The following RBM20 variants were observed in gnomAD, a reference collection of about 807,000 sequenced individuals.
RBM20 encodes RNA-binding protein 20.
RBM20 carries 51 observed loss-of-function variants against 110.1 expected under a neutral mutation model. The ratio of observed to expected loss-of-function variants is 0.46; its 90% CI spans 0.37 to 0.59. RBM20 has a LOEUF of 0.59. Ranked by LOEUF, RBM20 falls within the 20% of genes least tolerant of loss-of-function variation. The probability of loss-of-function intolerance (pLI) is 0.00; values close to 1 mark genes in which losing one functional copy is unlikely to be tolerated. For missense variants in RBM20, 1,512 were observed against 1,574.9 expected, an observed-to-expected ratio of 0.96 and a Z score of 0.68; for synonymous variants, 589 against 618.2, an observed-to-expected ratio of 0.95 and a Z score of 0.70.
rs544407865 is a variant in RBM20, at chr10:110,812,825, A to G, written c.2428A>G (p.Lys810Glu). ...AGGCAAGGAAGATGGGCTGGGGCCA[A>G]AGGTCACTAGGGCCCCTGAGGGCGC... ...DSGKEDGLGP[K>E]VTRAPEGAKA... Residue 810 changes from lysine (K) to glutamate (E), a missense_variant, in exon 9 of 14, where the codon AAG becomes GAG. This residue lies in a region of RBM20 where 1,149 missense variants were observed against 1,169.4 expected (regional missense o/e 0.98). Coordinates refer to ENST00000369519, the MANE Select transcript of RBM20 (RefSeq NM_001134363.3). 2.6e-5 allele frequency: 40 copies of G among 1,546,876 alleles called. No homozygotes were observed. The highest frequency in any genetic ancestry group is 2.6e-4 in the Admixed American group (13 of 50,546).
chr10:110,680,194 G>C (rs1307622083), intron 1 of RBM20, among the ~76,000 whole-genome samples: 3 of 152,140 alleles, frequency 2.0e-5, no homozygotes, highest in Non-Finnish European at 4.4e-5. Context: ...GAATGTTCTT[G>C]GTGGGGGCGG....
rs1564834236 is a variant in RBM20, at chr10:110,749,663, G to T, written c.192-31138G>T. The stretch of plus-strand genomic sequence containing the variant: ...GATATGTCTAAAAAAGAATAAAAGG[G>T]TCAAGAAAGCAAATGAAAGAGCAGA... On this transcript the variant is annotated intron_variant, in intron 1 of 13. Transcript: ENST00000369519. Among the ~76,000 whole-genome samples the T allele has an allele frequency of 3.3e-5, 5 of 151,966 alleles. No individual in the cohort carries two copies. In the South Asian group the frequency reaches 1.0e-3, roughly 32 times the overall value.
intron 1 of RBM20, among the ~76,000 whole-genome samples, chr10:110,764,850 C>A (rs1844058342): frequency 6.6e-6 from 1 of 152,180 alleles, no homozygotes; most frequent in South Asian, 2.1e-4. Flanking sequence ...CATCATCCTA[C>A]CTTTCCCCAG....
chr10:110,690,348 G>A (rs1006179945), intron 1 of RBM20, among the ~76,000 whole-genome samples: 1 of 152,164 alleles, frequency 6.6e-6, no homozygotes, highest in African/African-American at 2.4e-5. Flanking sequence ...TGAGGTTGCA[G>A]TGAGCTGTGA....
chr10:110,831,666 TAAAAAAA>T (rs869203382), intron 13 of RBM20, among the ~76,000 whole-genome samples: 14 of 58,414 alleles, frequency 2.4e-4, no homozygotes, highest in African/African-American at 6.3e-4. Context: ...CTTGCTAGAA[TAAAAAAA>T]AAAAAAAAAA....
Position 110,748,655 on chromosome 10 carries a change from T to C in RBM20, c.192-32146T>C, listed in dbSNP as rs1388007604. ...CTTACGAGTTGTTGTGTCCCTGGAC[T>C]AGTTATATCTTCTCTCTCTCTCTCT... On this transcript the variant is annotated intron_variant, in intron 1 of 13. Transcript: ENST00000369519. Among the ~76,000 whole-genome samples the C allele has an allele frequency of 2.0e-5, 3 of 152,138 alleles. No individual in the cohort carries two copies. The East Asian group carries it at 5.8e-4, about 29-fold the overall frequency.
chr10:110,699,637 G>C (rs1475642172), intron 1 of RBM20, among the ~76,000 whole-genome samples: 1 of 152,118 alleles, frequency 6.6e-6, no homozygotes, highest in Non-Finnish European at 1.5e-5. Flanking sequence ...AAGGGTACTT[G>C]TTTCCTGTCG....
chr10:110,803,610 AG>A (rs915059898), intron 7 of RBM20, among the ~76,000 whole-genome samples: 3 of 152,104 alleles, frequency 2.0e-5, no homozygotes, highest in African/African-American at 7.2e-5. Context: ...GATCTTTAGC[AG>A]GGCTTTTCTG....
intron 1 of RBM20, among the ~76,000 whole-genome samples, chr10:110,766,313 G>GTTT (rs113464457): frequency 8.3e-6 from 1 of 120,542 alleles, no homozygotes; most frequent in African/African-American, 3.0e-5. Context: ...CAGTAACTTT[G>GTTT]TTTTTTTTTT....
chr10:110,796,528 G>A (rs534140242), intron 5 of RBM20, among the ~76,000 whole-genome samples: 1 of 152,308 alleles, frequency 6.6e-6, no homozygotes, highest in South Asian at 2.1e-4. Flanking sequence ...AGAATCACTT[G>A]AGGTCAGGAT....
chr10:110,764,413 GCT>G (rs1844051968), intron 1 of RBM20, among the ~76,000 whole-genome samples: 1 of 152,356 alleles, frequency 6.6e-6, no homozygotes, highest in East Asian at 1.9e-4. Context: ...CTTCTGAAGT[GCT>G]CTCAGGAGAC....
intron 1 of RBM20, among the ~76,000 whole-genome samples, chr10:110,666,039 A>G (rs1271459640): frequency 6.6e-6 from 1 of 150,930 alleles, no homozygotes; most frequent in East Asian, 2.0e-4. Context: ...AAGGAAGGAA[A>G]GAAAGAAAGC....
intron 1 of RBM20, among the ~76,000 whole-genome samples, chr10:110,682,100 A>G (rs2419579): frequency 0.94 from 142,602 of 152,176 alleles, 67,522 homozygotes; most frequent in East Asian, 1. Flanking sequence ...CCATGCTGGC[A>G]AGGCTGATCT....
chr10:110,818,531 G>A (rs1160040755), intron 9 of RBM20, among the ~76,000 whole-genome samples: 4 of 152,214 alleles, frequency 2.6e-5, no homozygotes, highest in Admixed American at 2.0e-4. Context: ...GGGGGCACCC[G>A]TTGCACCCAT....
chr10:110,751,216 C>A (rs948134825), intron 1 of RBM20, among the ~76,000 whole-genome samples: 2 of 152,184 alleles, frequency 1.3e-5, no homozygotes, highest in Non-Finnish European at 2.9e-5. Context: ...TCTGTAAAAC[C>A]TGTCTGGGTG....
intron 1 of RBM20, among the ~76,000 whole-genome samples, chr10:110,761,441 T>G (rs1844001636): frequency 6.6e-6 from 1 of 151,912 alleles, no homozygotes; most frequent in African/African-American, 2.4e-5. Context: ...AAATGAATAG[T>G]AAATATCACT....
At chr10:110,716,918 A>G (rs1159092249) in intron 1 of RBM20, among the ~76,000 whole-genome samples, 5 of 97,760 alleles carry the variant, frequency 5.1e-5, no homozygotes, top group Non-Finnish European at 9.7e-5. Context: ...TCTCAAAAAA[A>G]AAAAGAAAAA....
chr10:110,650,713 A>G (rs1043752303), intron 1 of RBM20, among the ~76,000 whole-genome samples: 1 of 152,162 alleles, frequency 6.6e-6, no homozygotes, highest in African/African-American at 2.4e-5. Context: ...GAAACCTCCA[A>G]TTGCTGCTGT....
intron 1 of RBM20, among the ~76,000 whole-genome samples, chr10:110,722,555 A>G (rs545272729): frequency 2.6e-5 from 4 of 152,328 alleles, no homozygotes; most frequent in East Asian, 3.9e-4. Context: ...CCTAGTGAAA[A>G]TTAAAATTTA....
Sources: gnomAD v4.1 joint callset for allele counts (sites outside exome capture counted in the v4.1 genomes callset) on GRCh38, gnomAD v4.1.1 for gene constraint, gnomAD v4.1.1 regional missense constraint, MANE v1.5 for transcripts, NCBI Gene and HGNC (gene_info 2026-07-23, HGNC 2026-07-21) for gene names.